The following CCDC3 variants were observed in gnomAD, a reference collection of about 807,000 sequenced individuals.
CCDC3 encodes coiled-coil domain containing 3.
CCDC3 carries 24 observed loss-of-function variants against 21.4 expected under a neutral mutation model. The observed-to-expected ratio is 1.12, with a 90% CI of 0.81 to 1.58. CCDC3 has a LOEUF of 1.58. Among genes scored for constraint, CCDC3 ranks in the 40% most tolerant of loss-of-function variants. The pLI, the probability that CCDC3 is intolerant of heterozygous loss-of-function variation, is 0.00. For missense variants in CCDC3, 425 were observed against 360.9 expected, an observed-to-expected ratio of 1.18 and a Z score of -1.44; for synonymous variants, 186 against 166.0, an observed-to-expected ratio of 1.12 and a Z score of -0.93.
chr10:13,035,025 CAAAAAATTAAAAAA>C (rs1009551753), intron 5 of CCDC3, among the ~76,000 whole-genome samples: 25 of 104,018 alleles, frequency 2.4e-4, no homozygotes, highest in South Asian at 9.4e-4. Flanking sequence ...GACTCTGTCT[CAAAAAATTAAAAAA>C]AAAAAATTAA....
chr10:13,074,819 C>T (rs1698855473), intron 3 of CCDC3, among the ~76,000 whole-genome samples: 1 of 152,186 alleles, frequency 6.6e-6, no homozygotes, highest in Non-Finnish European at 1.5e-5. Context: ...TTACCACATT[C>T]CAGGAGGAGA....
intron 5 of CCDC3, among the ~76,000 whole-genome samples, chr10:13,039,261 C>T (rs1385239313): frequency 6.6e-6 from 1 of 151,984 alleles, no homozygotes; most frequent in Non-Finnish European, 1.5e-5. Context: ...ACTAAACCCG[C>T]ATATCTCAAA....
intron 5 of CCDC3, among the ~76,000 whole-genome samples, chr10:13,013,704 A>G (rs1011490049): frequency 6.6e-6 from 1 of 152,224 alleles, no homozygotes; most frequent in Non-Finnish European, 1.5e-5. Flanking sequence ...ACTCCTGCCA[A>G]TGATGCAAAA....
intron 3 of CCDC3, among the ~76,000 whole-genome samples, chr10:13,081,163 T>TAA (rs35141816): frequency 2.1e-4 from 27 of 128,430 alleles, no homozygotes; most frequent in Middle Eastern, 4.3e-3. Context: ...AACTATAAAG[T>TAA]AAAAAAAAAA....
intron 5 of CCDC3, among the ~76,000 whole-genome samples, chr10:13,030,395 T>C (rs1317916476): frequency 6.6e-6 from 1 of 152,076 alleles, no homozygotes; most frequent in Non-Finnish European, 1.5e-5. Flanking sequence ...ACATGCCAAA[T>C]TGTAAAGACC....
chr10:13,061,186 A>G (rs1206269845), intron 4 of CCDC3, among the ~76,000 whole-genome samples: 1 of 152,150 alleles, frequency 6.6e-6, no homozygotes, highest in Non-Finnish European at 1.5e-5. Context: ...TAAATTATGG[A>G]TTTTCCAGCC....
chr10:12,983,415 A>T (rs1303892752), intron 2 of CCDC3, among the ~76,000 whole-genome samples: 1 of 151,352 alleles, frequency 6.6e-6, no homozygotes, highest in African/African-American at 2.4e-5. Context: ...TCTACTAAAA[A>T]TACAAAAATT....
intron 2 of CCDC3, among the ~76,000 whole-genome samples, chr10:12,981,240 C>T (rs903370168): frequency 3.0e-5 from 4 of 134,072 alleles, no homozygotes; most frequent in Non-Finnish European, 4.6e-5. Context: ...AGTGTGGTGG[C>T]GTGATCTTGG....
chr10:13,001,042 A>T (rs1835841227), intron 1 of CCDC3, among the ~76,000 whole-genome samples, 155 bp downstream of exon 1: 1 of 152,326 alleles, frequency 6.6e-6, no homozygotes, highest in African/African-American at 2.4e-5. Context: ...ACGGAGCAAG[A>T]AAGATCCAAG....
At chr10:12,927,759 G>A (rs1834568547) in intron 2 of CCDC3, among the ~76,000 whole-genome samples, 1 of 152,094 alleles carries the variant, frequency 6.6e-6, no homozygotes, top group Admixed American at 6.6e-5. Context: ...AACCTATTGG[G>A]GTTAATTTGA....
At chr10:13,074,994 C>T (rs1836944473) in intron 3 of CCDC3, among the ~76,000 whole-genome samples, 1 of 152,148 alleles carries the variant, frequency 6.6e-6, no homozygotes, top group Non-Finnish European at 1.5e-5. Context: ...CAGCCGCGGC[C>T]AGTCACTTGG....
chr10:13,023,823 G>A (rs1456389449), intron 5 of CCDC3, among the ~76,000 whole-genome samples: 10 of 152,092 alleles, frequency 6.6e-5, no homozygotes, highest in South Asian at 4.2e-4. Context: ...TGGGTGCAAC[G>A]CCTCTTTATC....
intron 2 of CCDC3, among the ~76,000 whole-genome samples, chr10:12,926,610 A>T (rs1285339473): frequency 6.6e-6 from 1 of 152,240 alleles, no homozygotes; most frequent in Admixed American, 6.5e-5. Flanking sequence ...AAGATGGTAG[A>T]CTAAACAACT....
chr10:12,914,014 C>T (rs200104765), intron 2 of CCDC3, among the ~76,000 whole-genome samples: 75 of 152,252 alleles, frequency 4.9e-4, no homozygotes, highest in African/African-American at 1.4e-3. Context: ...TTTGCATCTA[C>T]GTTCATCAGA....
intron 2 of CCDC3, among the ~76,000 whole-genome samples, chr10:12,988,108 G>C (rs1835625673): frequency 6.6e-6 from 1 of 152,106 alleles, no homozygotes; most frequent in Non-Finnish European, 1.5e-5. Flanking sequence ...ATGTCCACAT[G>C]ATCCAGCCCA....
At chr10:13,059,937 C>G (rs1384057283) in intron 4 of CCDC3, among the ~76,000 whole-genome samples, 1 of 151,938 alleles carries the variant, frequency 6.6e-6, no homozygotes, top group East Asian at 1.9e-4. Flanking sequence ...AAATACGAAA[C>G]TTAGCCGGGC....
intron 2 of CCDC3, among the ~76,000 whole-genome samples, chr10:12,950,432 T>A (rs1157667315): frequency 6.6e-6 from 1 of 152,116 alleles, no homozygotes; most frequent in Non-Finnish European, 1.5e-5. Context: ...AATACAGGCA[T>A]CTGCTGGGAT....
rs569238621 is a variant in CCDC3 at position 13,041,642 on chromosome 10, A to G, written c.-2+8032T>C. Among the ~76,000 whole-genome samples the G allele has an allele frequency of 2.5e-4, 36 of 146,778 alleles. No homozygotes were observed. In the South Asian group the frequency reaches 7.6e-3, roughly 31 times the overall value. On this transcript the variant is annotated intron_variant, in intron 5 of 6. Transcript: ENST00000378839. ...CCAGTTCAAGTGATTCTCCTGCCTC[A>G]GTCTCCCGAGTAGCTGGGACTACAG...
intron 2 of CCDC3, among the ~76,000 whole-genome samples, chr10:12,961,191 G>C (rs957309598): frequency 6.6e-6 from 1 of 152,200 alleles, no homozygotes; most frequent in African/African-American, 2.4e-5. Context: ...TCAGTGGCTT[G>C]AGCAAATGGC....
Sources: gnomAD v4.1 joint callset for allele counts (sites outside exome capture counted in the v4.1 genomes callset) on GRCh38, gnomAD v4.1.1 for gene constraint, MANE v1.5 for transcripts, NCBI Gene and HGNC (gene_info 2026-07-23, HGNC 2026-07-21) for gene names.